The following SGCD variants were observed in gnomAD, a reference collection of about 807,000 sequenced individuals.
SGCD encodes the protein sarcoglycan delta.
A neutral mutation model predicts 36.6 loss-of-function variants in SGCD; 18 were observed. The observed-to-expected ratio is 0.49, with a 90% CI of 0.34 to 0.73. SGCD has a LOEUF of 0.73. Ranked by LOEUF, SGCD falls within the 30% of genes least tolerant of loss-of-function variation. The probability of loss-of-function intolerance (pLI) is 0.01; values close to 1 mark genes in which losing one functional copy is unlikely to be tolerated. For missense variants in SGCD, 387 were observed against 346.7 expected (o/e 1.12, Z -0.92); for synonymous variants, 133 against 130.6 (o/e 1.02, Z -0.12).
intron 3 of SGCD, among the ~76,000 whole-genome samples, chr5:156,233,795 G>A (rs1765081619): frequency 6.6e-6 from 1 of 152,166 alleles, no homozygotes; most frequent in Non-Finnish European, 1.5e-5. Flanking sequence ...TGGGGTATGA[G>A]GATCACTTGA....
At chr5:155,968,567 T>C (rs1393519083) in intron 1 of SGCD, among the ~76,000 whole-genome samples, 1 of 144,898 alleles carries the variant, frequency 6.9e-6, no homozygotes, top group Admixed American at 6.7e-5. Context: ...TGTTAATCTC[T>C]TATAGTGTGT....
chr5:155,979,286 AC>A (rs1189447599), intron 1 of SGCD, among the ~76,000 whole-genome samples: 2 of 152,040 alleles, frequency 1.3e-5, no homozygotes, highest in Non-Finnish European at 2.9e-5. Context: ...GAAAGACTGA[AC>A]TCTGTATCAG....
intron 1 of SGCD, among the ~76,000 whole-genome samples, chr5:155,895,051 G>A (rs939438647): frequency 6.6e-6 from 1 of 152,142 alleles, no homozygotes; most frequent in South Asian, 2.1e-4. Flanking sequence ...AGACAGAGGA[G>A]ACCAGGCCTT....
chr5:155,831,961 T>C, the SGCD span, among the ~76,000 whole-genome samples: 2 of 152,226 alleles, frequency 1.3e-5, no homozygotes, highest in African/African-American at 4.8e-5. Flanking sequence ...GGAAGTGTCC[T>C]CTTTGGAATC....
At chr5:156,558,805 A>T (rs1384911193) in intron 4 of SGCD, among the ~76,000 whole-genome samples, 1 of 152,166 alleles carries the variant, frequency 6.6e-6, no homozygotes, top group Admixed American at 6.6e-5. Flanking sequence ...TGGGGAGAGA[A>T]TCATCCAGAT....
chr5:156,301,109 G>T (rs964870849), intron 3 of SGCD, among the ~76,000 whole-genome samples: 2 of 151,858 alleles, frequency 1.3e-5, no homozygotes, highest in Non-Finnish European at 2.9e-5. Context: ...TGATAAGTAA[G>T]GACTTGCTCC....
chr5:156,517,635 C>T (rs1757233114), intron 4 of SGCD, among the ~76,000 whole-genome samples: 1 of 152,182 alleles, frequency 6.6e-6, no homozygotes, highest in African/African-American at 2.4e-5. Flanking sequence ...ATCAGACTAA[C>T]AGCAGACCCC....
At position 156,589,238 on chromosome 5, in the gene SGCD, C is replaced by G; in HGVS notation, c.302C>G (p.Ala101Gly). ...AKEIQSRPGN[A>G]LYFKSARNVT... ...CTTATTTTCTTATTGCAGGGTAATG[C>G]CCTGTACTTCAAGTCTGCCAGAAAT... The change falls in exon 5 of 9, where the codon GCC becomes GGC. Residue 101 changes from alanine (A) to glycine (G), a missense_variant. Transcript: ENST00000337851. 6.4e-7 allele frequency: 1 copy of G among 1,559,976 alleles called. No individual in the cohort carries two copies. Among genetic ancestry groups the G allele is most frequent in the Non-Finnish European group, 8.7e-7 (1 of 1,147,672 alleles).
chr5:155,982,421 A>G lies in SGCD; in HGVS notation c.-282+111997A>G, dbSNP rs541235326. 2.6e-3 allele frequency among the ~76,000 whole-genome samples: 403 copies of G among 152,322 alleles called. 5 individuals carry two copies. Among genetic ancestry groups the G allele is most frequent in the Non-Finnish European group, 1.9e-3 (132 of 68,026 alleles). On this transcript the variant is annotated intron_variant, in intron 1 of 9. Coordinates refer to the SGCD transcript ENST00000517913. ...TTGCAGTATATTTTAGCTTTCTGTG[A>G]ATGAACTCAACATAAATCCATTTGG...
At chr5:156,069,117 A>G (rs1450818310) in intron 1 of SGCD, among the ~76,000 whole-genome samples, 2 of 151,832 alleles carry the variant, frequency 1.3e-5, no homozygotes, top group African/African-American at 2.4e-5. Context: ...TGCAGAAGCT[A>G]TTTAGTTTAA....
At chr5:155,743,867 C>T in the SGCD span, among the ~76,000 whole-genome samples, 3 of 152,204 alleles carry the variant, frequency 2.0e-5, no homozygotes, top group African/African-American at 7.2e-5. Context: ...AGCAAGCTAG[C>T]TGTGAGCCAG....
At chr5:156,131,540 C>T (rs1374204088) in intron 3 of SGCD, among the ~76,000 whole-genome samples, 3 of 152,142 alleles carry the variant, frequency 2.0e-5, no homozygotes, top group Non-Finnish European at 2.9e-5. Context: ...AATCTAATTT[C>T]CTGTTGTATG....
chr5:156,472,102 C>T (rs1380789949), intron 3 of SGCD, among the ~76,000 whole-genome samples: 1 of 152,086 alleles, frequency 6.6e-6, no homozygotes, highest in Non-Finnish European at 1.5e-5. Context: ...GAAAGATTGA[C>T]TAAACCAAGT....
At chr5:156,506,803 A>G (rs1382962836) in intron 3 of SGCD, among the ~76,000 whole-genome samples, 2 of 152,220 alleles carry the variant, frequency 1.3e-5, no homozygotes, top group Non-Finnish European at 2.9e-5. Context: ...GATCAACAAT[A>G]AAGGAGGGAA....
chr5:156,631,266 T>A (rs1762619760), intron 6 of SGCD, among the ~76,000 whole-genome samples: 1 of 152,188 alleles, frequency 6.6e-6, no homozygotes, highest in African/African-American at 2.4e-5. Context: ...CATTAAAGCA[T>A]GTGGATTTAC....
At chr5:156,650,558 T>C (rs1029932982) in intron 7 of SGCD, among the ~76,000 whole-genome samples, 21 of 152,158 alleles carry the variant, frequency 1.4e-4, no homozygotes, top group Non-Finnish European at 2.9e-4. Context: ...TATCCAGTGC[T>C]CAGCTCCCAC....
chr5:156,470,038 T>C (rs1244773407), intron 3 of SGCD, among the ~76,000 whole-genome samples: 3 of 152,222 alleles, frequency 2.0e-5, no homozygotes, highest in Non-Finnish European at 2.9e-5. Context: ...CTGAGAAATA[T>C]GTATACATTA....
intron 1 of SGCD, among the ~76,000 whole-genome samples, chr5:155,893,457 CAGAGCTCT>C: frequency 6.6e-6 from 1 of 152,218 alleles, no homozygotes; most frequent in African/African-American, 2.4e-5. Context: ...ATGTCAAAAT[CAGAGCTCT>C]TTTAAATTAT....
At chr5:155,960,373 G>T (rs1214553080) in intron 1 of SGCD, among the ~76,000 whole-genome samples, 1 of 151,986 alleles carries the variant, frequency 6.6e-6, no homozygotes, top group African/African-American at 2.4e-5. Context: ...GTAGGAGGAC[G>T]CCAATAGTCC....
Sources: allele counts gnomAD v4.1 joint callset (sites outside exome capture counted in the v4.1 genomes callset), GRCh38; gene constraint gnomAD v4.1.1; transcripts MANE v1.5; gene names NCBI Gene and HGNC (gene_info 2026-07-23, HGNC 2026-07-21).